EYS: variants seen among roughly 807,000 people sequenced by gnomAD.
EYS encodes the protein EGF-like photoreceptor maintenance factor.
A neutral mutation model predicts 282.1 loss-of-function variants in EYS; 250 were observed. The observed-to-expected ratio is 0.89, with a 90% CI of 0.80 to 0.98. The LOEUF (loss-of-function observed/expected upper bound fraction) is 0.98. EYS is among the 50% of genes least tolerant of loss of function. EYS has a pLI of 0.00. For missense variants in EYS, 4,016 were observed against 3,709.0 expected, an observed-to-expected ratio of 1.08 and a Z score of -2.15; for synonymous variants, 1,355 against 1,282.9, an observed-to-expected ratio of 1.06 and a Z score of -1.20.
intron 2 of EYS, among the ~76,000 whole-genome samples, chr6:65,511,390 G>A (rs979279813): frequency 6.6e-6 from 1 of 150,782 alleles, no homozygotes; most frequent in African/African-American, 2.5e-5. Flanking sequence ...AGAGAGAAAA[G>A]AGAGATCTAA....
chr6:64,594,584 C>T (rs1392653135), intron 24 of EYS, among the ~76,000 whole-genome samples: 3 of 150,830 alleles, frequency 2.0e-5, no homozygotes, highest in Non-Finnish European at 4.4e-5. Flanking sequence ...AGCAAACTAT[C>T]GCAAGGACAA....
intron 41 of EYS, among the ~76,000 whole-genome samples, chr6:63,736,867 C>T (rs1224660535): frequency 6.6e-6 from 1 of 152,038 alleles, no homozygotes; most frequent in Non-Finnish European, 1.5e-5. Context: ...TGGGAGTTCA[C>T]TCATGATTTG....
At chr6:64,687,829 G>A (rs1205915584) in intron 22 of EYS, among the ~76,000 whole-genome samples, 2 of 152,072 alleles carry the variant, frequency 1.3e-5, no homozygotes, top group East Asian at 3.9e-4. Context: ...GGTAGAATTC[G>A]GCAGTGAATC....
intron 22 of EYS, among the ~76,000 whole-genome samples, chr6:64,630,330 C>A (rs1324892485): frequency 2.0e-5 from 3 of 152,144 alleles, no homozygotes; most frequent in Admixed American, 6.5e-5. Flanking sequence ...ATCTCCTGAC[C>A]TCGTGATCCA....
intron 28 of EYS, among the ~76,000 whole-genome samples, chr6:64,390,057 T>A (rs1042981978): frequency 8.6e-5 from 13 of 151,460 alleles, no homozygotes; most frequent in Admixed American, 8.5e-4. Flanking sequence ...AATACTGCGC[T>A]TTTCCAACGG....
chr6:65,430,276 G>A (rs566099583), intron 5 of EYS, among the ~76,000 whole-genome samples: 17 of 152,186 alleles, frequency 1.1e-4, no homozygotes, highest in Admixed American at 9.8e-4. Flanking sequence ...GTGCTGTTCT[G>A]TTAGAGCAGA....
At chr6:64,566,246 T>C (rs1765564498) in intron 26 of EYS, among the ~76,000 whole-genome samples, 1 of 152,206 alleles carries the variant, frequency 6.6e-6, no homozygotes, top group African/African-American at 2.4e-5. Context: ...CAAAGTATAC[T>C]ATCTCTCTGT....
chr6:65,259,000 T>G (rs1767545597), intron 12 of EYS, among the ~76,000 whole-genome samples: 1 of 152,054 alleles, frequency 6.6e-6, no homozygotes, highest in Admixed American at 6.6e-5. Context: ...AAATAAACTT[T>G]TGTTACTTCT....
At chr6:64,762,634 T>C (rs1177012820) in intron 22 of EYS, among the ~76,000 whole-genome samples, 1 of 152,140 alleles carries the variant, frequency 6.6e-6, no homozygotes, top group Non-Finnish European at 1.5e-5. Context: ...TCCAAAACTA[T>C]TTATGATGTA....
At chr6:65,021,108 G>T (rs1416607923) in intron 13 of EYS, among the ~76,000 whole-genome samples, 1 of 152,126 alleles carries the variant, frequency 6.6e-6, no homozygotes. Flanking sequence ...CCATTGTCTT[G>T]GTGATTAACA....
chr6:64,977,751 C>G (rs1175486298), intron 14 of EYS, among the ~76,000 whole-genome samples: 11 of 151,348 alleles, frequency 7.3e-5, no homozygotes, highest in African/African-American at 2.7e-4. Flanking sequence ...AGAGAAACAG[C>G]CTTATTGCTG....
intron 22 of EYS, among the ~76,000 whole-genome samples, chr6:64,813,109 A>T (rs534865380): frequency 1.5e-4 from 22 of 149,192 alleles, no homozygotes; most frequent in Middle Eastern, 3.4e-3. Flanking sequence ...ACCCACTTTG[A>T]GAAAGGAGAA....
intron 26 of EYS, among the ~76,000 whole-genome samples, chr6:64,447,337 A>T (rs550005181): frequency 6.6e-5 from 10 of 152,130 alleles, no homozygotes; most frequent in African/African-American, 2.4e-4. Context: ...AATCCATTTT[A>T]GCTCATCCCA....
At chr6:65,506,725 G>C (rs932938157) in intron 2 of EYS, among the ~76,000 whole-genome samples, 9 of 151,346 alleles carry the variant, frequency 5.9e-5, no homozygotes, top group African/African-American at 2.2e-4. Context: ...TCTTACCTCA[G>C]CTTCACAAAG....
intron 27 of EYS, among the ~76,000 whole-genome samples, chr6:64,437,156 T>C (rs1239051974): frequency 6.6e-6 from 1 of 151,746 alleles, no homozygotes; most frequent in African/African-American, 2.4e-5. Context: ...TTATTGTCAG[T>C]TGACTTTAAA....
chr6:64,291,941 C>A (rs1768728670), intron 30 of EYS, among the ~76,000 whole-genome samples: 2 of 152,114 alleles, frequency 1.3e-5, no homozygotes, highest in African/African-American at 4.8e-5. Context: ...TGTGTCCAGA[C>A]ATTGTGCTAA....
intron 12 of EYS, among the ~76,000 whole-genome samples, chr6:65,222,310 G>A (rs528844407): frequency 6.6e-6 from 1 of 152,276 alleles, no homozygotes; most frequent in South Asian, 2.1e-4. Flanking sequence ...GGGAGGTACA[G>A]AGTGGGAGGC....
At chr6:64,578,840 C>T (rs188644831) in intron 26 of EYS, among the ~76,000 whole-genome samples, 32 of 152,038 alleles carry the variant, frequency 2.1e-4, no homozygotes, top group African/African-American at 6.3e-4. Flanking sequence ...TACACTTAGG[C>T]GATAACACTG....
intron 29 of EYS, among the ~76,000 whole-genome samples, chr6:64,336,344 AAAAC>A (rs1208716401): frequency 6.6e-6 from 1 of 152,134 alleles, no homozygotes; most frequent in African/African-American, 2.4e-5. Flanking sequence ...TATAACAGAG[AAAAC>A]AAACTTCAAA....
Sources: allele counts gnomAD v4.1 joint callset (sites outside exome capture counted in the v4.1 genomes callset), GRCh38; gene constraint gnomAD v4.1.1; transcripts MANE v1.5; gene names NCBI Gene and HGNC (gene_info 2026-07-23, HGNC 2026-07-21).